Variants in ZNF233 observed in about 807,000 individuals in gnomAD.
ZNF233 encodes zinc finger protein 233.
In ZNF233, 7 loss-of-function variants were observed where a neutral mutation model predicts 11.6. That is an observed-to-expected ratio of 0.60 (90% CI 0.34 to 1.13). The LOEUF is 1.13. Ranked by LOEUF, ZNF233 falls within the 50% of genes most tolerant of loss-of-function variation. The pLI is 0.03. For missense variants in ZNF233, 711 were observed against 785.5 expected (o/e 0.91, Z 1.13); for synonymous variants, 226 against 268.5 (o/e 0.84, Z 1.55).
chr19:44,269,805 A>C (rs1975191997), intron 4 of ZNF233, among the ~76,000 whole-genome samples: 1 of 152,166 alleles, frequency 6.6e-6, no homozygotes. Context: ...TATGTAACTC[A>C]CAGCCCTTGG....
At position 44,262,025 on chromosome 19, in the gene ZNF233, T is replaced by C. The variant is rs545859318; in HGVS notation, c.-48+2087T>C. Among the ~76,000 whole-genome samples, 5 of 152,212 alleles carry C rather than the reference T, an allele frequency of 3.3e-5. No homozygotes were observed. The South Asian group carries it at 6.2e-4, about 19-fold the overall frequency. On this transcript the variant is annotated intron_variant, in intron 1 of 4. Transcript: ENST00000683810. ...AATGAAATTAAAAACGCAGAAGAAA[T>C]TGACATATAAAGTTCATCCTCTCCT...
In ZNF233 at chr19:44,274,250, CAAAGGAGAGAAGCCATACAA is replaced by C; in HGVS notation, c.1592_1611del (p.Lys531MetfsTer2). On this transcript the variant is annotated frameshift_variant, in exon 5 of 5. Transcript: ENST00000683810. LOFTEE classifies it low-confidence loss of function (END_TRUNC). ...ATCTTCAGGCCCATCAGAGAGTTCA[CAAAGGAGAGAAGCCATACAA>C]ATGTGAGACATGTGGGAAGGGCTTT... The C allele has an allele frequency of 6.2e-7, 1 of 1,609,654 alleles. No homozygotes were observed. Among genetic ancestry groups the C allele is most frequent in the Non-Finnish European group, 8.5e-7 (1 of 1,176,464 alleles).
chr19:44,268,802 C>G (rs1975162233), intron 4 of ZNF233, among the ~76,000 whole-genome samples: 1 of 150,364 alleles, frequency 6.7e-6, no homozygotes, highest in African/African-American at 2.4e-5. Context: ...TTATTTCATT[C>G]CCCCTTTTCT....
intron 4 of ZNF233, among the ~76,000 whole-genome samples, chr19:44,271,523 T>A (rs1975234209): frequency 6.6e-6 from 1 of 152,072 alleles, no homozygotes; most frequent in Admixed American, 6.5e-5. Flanking sequence ...TTTTTTTTTT[T>A]TTTTGAGACG....
At chr19:44,271,313 CCT>C (rs1975230936) in intron 4 of ZNF233, among the ~76,000 whole-genome samples, 1 of 152,190 alleles carries the variant, frequency 6.6e-6, no homozygotes, top group African/African-American at 2.4e-5. Context: ...AAGGATGTCC[CCT>C]CTTTCTTTCT....
At chr19:44,263,646 T>C (rs981379169) in intron 1 of ZNF233, among the ~76,000 whole-genome samples, 5 of 152,202 alleles carry the variant, frequency 3.3e-5, no homozygotes, top group Admixed American at 3.3e-4. Flanking sequence ...CTGATATCAA[T>C]TAAATATTAT....
chr19:44,264,463 T>C, intron 2 of ZNF233, 88 bp downstream of exon 2: 1 of 1,314,924 alleles, frequency 7.6e-7, no homozygotes. Flanking sequence ...TTGGGAAAGA[T>C]AAAGGAGGAA....
chr19:44,274,696 G>A lies in ZNF233; in HGVS notation c.*23G>A. 1 of 1,546,664 alleles carries A rather than the reference G, an allele frequency of 6.5e-7. No individual in the cohort carries two copies. The highest frequency in any genetic ancestry group is 8.8e-7 in the Non-Finnish European group (1 of 1,139,412). On this transcript the variant is annotated 3_prime_UTR_variant, in exon 5 of 5. Transcript: ENST00000683810. Reference sequence around the variant, plus strand: ...TGATGGTGATGAATCTATTAATCATGATGAGTGTGATAGGGGTGCTCTTCA... The same window carrying A: ...TGATGGTGATGAATCTATTAATCATAATGAGTGTGATAGGGGTGCTCTTCA...
At chr19:44,270,115 T>A (rs1002773355) in intron 4 of ZNF233, among the ~76,000 whole-genome samples, 4 of 152,164 alleles carry the variant, frequency 2.6e-5, no homozygotes, top group Admixed American at 2.6e-4. Context: ...AAAGGACTAT[T>A]TCAGAACATA....
At chr19:44,261,689 T>A (rs1263079998) in intron 1 of ZNF233, among the ~76,000 whole-genome samples, 1 of 148,616 alleles carries the variant, frequency 6.7e-6, no homozygotes, top group Non-Finnish European at 1.5e-5. Context: ...TCTCCCTCTG[T>A]CTCCCAGGCT....
In ZNF233 at chr19:44,273,800, T is replaced by C. The variant is rs1485101529; in HGVS notation, c.1140T>C (p.His380=). Residue 380 remains histidine, a synonymous_variant, in exon 5 of 5, where the codon CAT becomes CAC. Coordinates refer to ENST00000683810, the MANE Select transcript of ZNF233 (RefSeq NM_001207005.2). ...CTCGRCGKGF[H]HSLDFDIHCV... is the part of the protein sequence containing the mutation. ...GTGGCAGGTGTGGGAAGGGCTTCCA[T>C]CATAGCTTAGATTTTGACATTCACT... 6.2e-7 allele frequency: 1 copy of C among 1,614,072 alleles called. No homozygotes were observed. Among genetic ancestry groups the C allele is most frequent in the Non-Finnish European group, 8.5e-7 (1 of 1,180,034 alleles).
chr19:44,265,716 G>A (rs1167165582), intron 2 of ZNF233, among the ~76,000 whole-genome samples: 2 of 152,112 alleles, frequency 1.3e-5, no homozygotes, highest in South Asian at 2.1e-4. Flanking sequence ...CACTGCGGCC[G>A]GCCACACAGT....
chr19:44,268,602 C>T (rs1175482015), intron 4 of ZNF233, among the ~76,000 whole-genome samples: 5 of 152,064 alleles, frequency 3.3e-5, no homozygotes, highest in East Asian at 1.9e-4. Flanking sequence ...GTTAATGGAC[C>T]GATGTCAGTA....
intron 1 of ZNF233, among the ~76,000 whole-genome samples, chr19:44,260,614 C>T (rs1026189582): frequency 2.6e-5 from 4 of 152,192 alleles, no homozygotes; most frequent in Admixed American, 2.0e-4. Flanking sequence ...TGTCCACTGT[C>T]ATTCATCCTG....
intron 4 of ZNF233, among the ~76,000 whole-genome samples, chr19:44,269,610 T>C (rs370145253): frequency 5.3e-5 from 8 of 152,172 alleles, no homozygotes; most frequent in African/African-American, 1.7e-4. Flanking sequence ...CTTTACTTTT[T>C]TTTTAATTTT....
Position 44,273,741 on chromosome 19 carries a change from G to A in ZNF233, c.1081G>A (p.Glu361Lys). 6.2e-7 allele frequency: 1 copy of A among 1,614,188 alleles called. No individual in the cohort carries two copies. Among genetic ancestry groups the A allele is most frequent in the Non-Finnish European group, 8.5e-7 (1 of 1,180,032 alleles). Reference sequence around the variant, plus strand: ...CCAGAACTCCTGTCTTCCCTCTCATGAGCTTACTCACCCAGGAGAGAAGTT... The same window carrying A: ...CCAGAACTCCTGTCTTCCCTCTCATAAGCTTACTCACCCAGGAGAGAAGTT... ...SNQNSCLPSH[E>K]LTHPGEKLCT... is the part of the protein sequence containing the mutation. Residue 361 changes from glutamate to lysine, a missense_variant, in exon 5 of 5, where the codon GAG becomes AAG. Coordinates refer to ENST00000683810, the MANE Select transcript of ZNF233 (RefSeq NM_001207005.2).
chr19:44,271,632 C>T (rs577548611), intron 4 of ZNF233, among the ~76,000 whole-genome samples: 1 of 152,050 alleles, frequency 6.6e-6, no homozygotes, highest in South Asian at 2.1e-4. Flanking sequence ...GCCTTGGCCT[C>T]CCGAGTAGCC....
At chr19:44,263,312 C>A (rs1974985482) in intron 1 of ZNF233, among the ~76,000 whole-genome samples, 1 of 152,196 alleles carries the variant, frequency 6.6e-6, no homozygotes, top group Non-Finnish European at 1.5e-5. Flanking sequence ...TATGCCCTAG[C>A]CATCACTCTT....
At chr19:44,263,080 A>G (rs1020062389) in intron 1 of ZNF233, among the ~76,000 whole-genome samples, 26 of 152,224 alleles carry the variant, frequency 1.7e-4, no homozygotes, top group African/African-American at 6.3e-4. Flanking sequence ...TGGGAACGAC[A>G]GTCATCATAT....
Sources: gnomAD v4.1 joint callset for allele counts (sites outside exome capture counted in the v4.1 genomes callset) on GRCh38, gnomAD v4.1.1 for gene constraint, MANE v1.5 for transcripts, NCBI Gene and HGNC (gene_info 2026-07-23, HGNC 2026-07-21) for gene names.